COX7B2: variants seen among roughly 807,000 people sequenced by gnomAD.
The protein encoded by COX7B2 is cytochrome c oxidase subunit 7B2.
For synonymous variants in COX7B2, 37 were observed against 32.1 expected, an observed-to-expected ratio of 1.15 and a Z score of -0.51; for missense variants, 109 against 95.9, an observed-to-expected ratio of 1.14 and a Z score of -0.57.
At chr4:46,881,008 A>AAAAAAAAAAAAC (rs1560435071) in intron 1 of COX7B2, among the ~76,000 whole-genome samples, 2 of 151,518 alleles carry the variant, frequency 1.3e-5, no homozygotes, top group Admixed American at 1.3e-4. Context: ...AAAAAAAAAA[A>AAAAAAAAAAAAC]AAACTCTTGG....
intron 2 of COX7B2, among the ~76,000 whole-genome samples, chr4:46,761,642 C>A (rs867323375): frequency 1.3e-5 from 2 of 152,208 alleles, no homozygotes; most frequent in East Asian, 3.9e-4. Context: ...TGTTTGGACT[C>A]AATATCCTAA....
At chr4:46,885,114 G>T (rs1178908059) in intron 1 of COX7B2, among the ~76,000 whole-genome samples, 1 of 151,652 alleles carries the variant, frequency 6.6e-6, no homozygotes, top group Non-Finnish European at 1.5e-5. Flanking sequence ...ACTAATATTG[G>T]TGTTTATATT....
intron 1 of COX7B2, among the ~76,000 whole-genome samples, chr4:46,887,523 A>C (rs1456523282): frequency 6.6e-6 from 1 of 152,022 alleles, no homozygotes; most frequent in Non-Finnish European, 1.5e-5. Flanking sequence ...CATCCTGGCT[A>C]ACACGGTGAA....
chr4:46,853,706 T>C (rs999847138), intron 1 of COX7B2, among the ~76,000 whole-genome samples: 4 of 152,100 alleles, frequency 2.6e-5, no homozygotes, highest in Admixed American at 6.6e-5. Context: ...TCAGTATTTG[T>C]TTTAACTGTT....
intron 2 of COX7B2, among the ~76,000 whole-genome samples, chr4:46,746,298 T>C (rs1051110444): frequency 6.6e-6 from 1 of 152,212 alleles, no homozygotes; most frequent in Non-Finnish European, 1.5e-5. Flanking sequence ...CTTTCCTGGC[T>C]TTATACTCTA....
chr4:46,844,025 T>C (rs6447514), intron 2 of COX7B2, among the ~76,000 whole-genome samples: 1 of 151,774 alleles, frequency 6.6e-6, no homozygotes, highest in Admixed American at 6.6e-5. Flanking sequence ...GAGAGGAGTT[T>C]CTGGCTTGTA....
chr4:46,840,622 G>A (rs1397298255), intron 2 of COX7B2, among the ~76,000 whole-genome samples: 3 of 151,974 alleles, frequency 2.0e-5, no homozygotes, highest in African/African-American at 7.2e-5. Flanking sequence ...GGCTTCATGG[G>A]ACTTCTAATA....
At position 46,735,085 on chromosome 4, in the gene COX7B2, A is replaced by C; in HGVS notation, c.108T>G (p.Asp36Glu). 1 of 1,614,006 alleles carries C rather than the reference A, an allele frequency of 6.2e-7. No individual in the cohort carries two copies. Among genetic ancestry groups the C allele is most frequent in the Non-Finnish European group, 8.5e-7 (1 of 1,179,948 alleles). The part of the protein sequence containing the change: ...SHVKHSPDFH[D>E]KYGNAVLASG... ...TGGCTAGCACAGCATTACCATATTT[A>C]TCATGAAAATCTGGTGAGTGTTTTA... The change falls in exon 3 of 3, where the codon GAT (aspartate) becomes GAG (glutamate). Residue 36 changes from aspartate to glutamate, a missense_variant. Physicochemically the swap from Asp to Glu is conservative, Grantham distance 45. Coordinates refer to ENST00000355591, the MANE Select transcript of COX7B2 (RefSeq NM_130902.3).
At chr4:46,757,430 A>G (rs1476027747) in intron 2 of COX7B2, among the ~76,000 whole-genome samples, 1 of 152,104 alleles carries the variant, frequency 6.6e-6, no homozygotes, top group Non-Finnish European at 1.5e-5. Context: ...GCATGTAAGA[A>G]ACCTGCACTT....
intron 2 of COX7B2, among the ~76,000 whole-genome samples, chr4:46,741,237 G>A (rs138362371): frequency 1.8e-4 from 27 of 152,198 alleles, no homozygotes; most frequent in African/African-American, 6.3e-4. Context: ...GGAAGATGAA[G>A]CTCAAGAAGG....
At chr4:46,886,103 C>T (rs959380283) in intron 1 of COX7B2, among the ~76,000 whole-genome samples, 3 of 152,054 alleles carry the variant, frequency 2.0e-5, no homozygotes, top group South Asian at 2.1e-4. Context: ...GCCCCAATGC[C>T]CTTGAAGGCA....
chr4:46,894,216 C>T (rs568890040), intron 1 of COX7B2, among the ~76,000 whole-genome samples: 69 of 152,094 alleles, frequency 4.5e-4, no homozygotes, highest in Non-Finnish European at 5.7e-4. Flanking sequence ...AGTAATCCTA[C>T]GTGAAAGGAA....
At chr4:46,874,445 A>C (rs368818817) in intron 1 of COX7B2, among the ~76,000 whole-genome samples, 1 of 152,192 alleles carries the variant, frequency 6.6e-6, no homozygotes, top group Non-Finnish European at 1.5e-5. Context: ...CAATTGCTAC[A>C]TCTAATGTGC....
At chr4:46,874,340 GT>G (rs1718185330) in intron 1 of COX7B2, among the ~76,000 whole-genome samples, 1 of 152,194 alleles carries the variant, frequency 6.6e-6, no homozygotes, top group Admixed American at 6.5e-5. Flanking sequence ...AAGCTGAAGT[GT>G]TTTTAGTCGC....
chr4:46,773,834 C>T (rs566722704), intron 2 of COX7B2, among the ~76,000 whole-genome samples: 15 of 152,216 alleles, frequency 9.9e-5, no homozygotes, highest in African/African-American at 2.9e-4. Flanking sequence ...AGTCTATAGA[C>T]TGCCACTTTG....
chr4:46,798,793 G>A (rs1718492983), intron 2 of COX7B2, among the ~76,000 whole-genome samples: 1 of 152,062 alleles, frequency 6.6e-6, no homozygotes, highest in South Asian at 2.1e-4. Context: ...ATACATGATG[G>A]GTCCTGAGTA....
intron 2 of COX7B2, among the ~76,000 whole-genome samples, chr4:46,815,047 G>T (rs555005016): frequency 2.0e-5 from 3 of 152,156 alleles, no homozygotes; most frequent in Non-Finnish European, 2.9e-5. Context: ...TTAGCCAGGC[G>T]TGGTGGTGCA....
At chr4:46,850,651 A>G (rs1333530222) in intron 1 of COX7B2, among the ~76,000 whole-genome samples, 1 of 152,144 alleles carries the variant, frequency 6.6e-6, no homozygotes, top group Non-Finnish European at 1.5e-5. Context: ...GAAAAAATAT[A>G]TAAATTACTA....
At chr4:46,833,602 G>A (rs990270274) in intron 2 of COX7B2, among the ~76,000 whole-genome samples, 1 of 152,114 alleles carries the variant, frequency 6.6e-6, no homozygotes, top group Non-Finnish European at 1.5e-5. Context: ...AGAGAGCAGA[G>A]GCAATAAGAA....
Sources: allele counts gnomAD v4.1 joint callset (sites outside exome capture counted in the v4.1 genomes callset), GRCh38; gene constraint gnomAD v4.1.1; transcripts MANE v1.5; gene names NCBI Gene and HGNC (gene_info 2026-07-23, HGNC 2026-07-21).